DNAJC24: variants seen among roughly 807,000 people sequenced by gnomAD.
DNAJC24 encodes dnaJ homolog subfamily C member 24.
Under a neutral mutation model 18.0 loss-of-function variants are expected in DNAJC24, and 17 were observed. The ratio of observed to expected loss-of-function variants is 0.94; its 90% CI spans 0.65 to 1.42. The LOEUF (loss-of-function observed/expected upper bound fraction) is 1.42, where lower values mean the gene tolerates loss of function less well. Among genes scored for constraint, DNAJC24 ranks in the 40% most tolerant of loss-of-function variants. The pLI is 0.00. For missense variants in DNAJC24, 158 were observed against 175.6 expected (o/e 0.90, Z 0.57); for synonymous variants, 55 against 57.7 (o/e 0.95, Z 0.21).
At chr11:31,414,739 T>C (rs1056389998) in intron 2 of DNAJC24, 72 bp from the exon 3 acceptor site, 2 of 1,466,890 alleles carry the variant, frequency 1.4e-6, no homozygotes, top group Non-Finnish European at 1.8e-6. Flanking sequence ...AGCTCAGATT[T>C]ACAATTTTTT....
chr11:31,377,697 A>G (rs1259353930), intron 2 of DNAJC24, among the ~76,000 whole-genome samples: 2 of 152,034 alleles, frequency 1.3e-5, no homozygotes, highest in African/African-American at 2.4e-5. Context: ...GAAAATTGCT[A>G]TTTACTTAAG....
intron 2 of DNAJC24, among the ~76,000 whole-genome samples, chr11:31,391,504 G>T (rs1006501015): frequency 6.6e-6 from 1 of 152,168 alleles, no homozygotes; most frequent in African/African-American, 2.4e-5. Context: ...ATGAAAAGTT[G>T]TTCAATCAAC....
intron 3 of DNAJC24, chr11:31,417,346 T>C (rs1034751882): frequency 6.6e-6 from 1 of 152,152 alleles, no homozygotes; most frequent in African/African-American, 2.4e-5. Context: ...GTTATTTCTT[T>C]TGAATACCGT....
At chr11:31,378,109 A>T (rs1443133758) in intron 2 of DNAJC24, among the ~76,000 whole-genome samples, 1 of 152,158 alleles carries the variant, frequency 6.6e-6, no homozygotes, top group East Asian at 1.9e-4. Context: ...AGTGAAGAAC[A>T]ATTCTTTAAA....
At chr11:31,413,382 G>A (rs1952726253) in intron 2 of DNAJC24, among the ~76,000 whole-genome samples, 1 of 142,278 alleles carries the variant, frequency 7.0e-6, no homozygotes, top group Non-Finnish European at 1.5e-5. Flanking sequence ...CCAGGCTGGA[G>A]TGCAGTGGTG....
chr11:31,382,823 G>A (rs1196670480), intron 2 of DNAJC24, among the ~76,000 whole-genome samples: 1 of 152,060 alleles, frequency 6.6e-6, no homozygotes, highest in Non-Finnish European at 1.5e-5. Flanking sequence ...TAAGGGTTAA[G>A]GATTCATTAC....
At chr11:31,408,297 A>G in intron 2 of DNAJC24, 1 of 426,874 alleles carries the variant, frequency 2.3e-6, no homozygotes, top group East Asian at 7.1e-5. Context: ...TTGGTGAAAC[A>G]GAGATTCTGG....
intron 2 of DNAJC24, among the ~76,000 whole-genome samples, chr11:31,414,356 C>T (rs377530541): frequency 3.3e-5 from 5 of 152,026 alleles, no homozygotes; most frequent in East Asian, 1.9e-4. Context: ...TTTAAAATTA[C>T]GATTGTATAA....
chr11:31,430,059 A>ATC (rs1172415543), intron 4 of DNAJC24, among the ~76,000 whole-genome samples: 2 of 152,186 alleles, frequency 1.3e-5, no homozygotes, highest in Admixed American at 6.5e-5. Context: ...GCTTCAACCC[A>ATC]TCTCCTCTAC....
chr11:31,388,406 G>A (rs961514669), intron 2 of DNAJC24, among the ~76,000 whole-genome samples: 17 of 152,310 alleles, frequency 1.1e-4, no homozygotes, highest in Admixed American at 5.2e-4. Context: ...GAGCTCTAAT[G>A]TGTCTGGCAC....
At chr11:31,413,067 T>C (rs1388068083) in intron 2 of DNAJC24, among the ~76,000 whole-genome samples, 1 of 152,176 alleles carries the variant, frequency 6.6e-6, no homozygotes, top group Non-Finnish European at 1.5e-5. Flanking sequence ...CTTGCAATTT[T>C]TTTTGTGCTC....
At chr11:31,403,819 G>A (rs1361640697) in intron 2 of DNAJC24, among the ~76,000 whole-genome samples, 1 of 152,134 alleles carries the variant, frequency 6.6e-6, no homozygotes. Context: ...CCAAGAGAGG[G>A]TTCTTGGATC....
intron 2 of DNAJC24, among the ~76,000 whole-genome samples, chr11:31,403,125 A>ATG (rs3979423): frequency 0.16 from 22,753 of 146,504 alleles, 1,803 homozygotes; most frequent in Admixed American, 0.2. Context: ...GCATATATGC[A>ATG]TGTGTGTGTG....
At chr11:31,380,797 A>G (rs540928906) in intron 2 of DNAJC24, among the ~76,000 whole-genome samples, 1 of 152,260 alleles carries the variant, frequency 6.6e-6, no homozygotes, top group Admixed American at 6.5e-5. Flanking sequence ...AAGTTCCTTT[A>G]TGCTTCTCAT....
At chr11:31,404,622 T>C (rs1025167938) in intron 2 of DNAJC24, among the ~76,000 whole-genome samples, 2 of 152,208 alleles carry the variant, frequency 1.3e-5, no homozygotes, top group Non-Finnish European at 2.9e-5. Context: ...TCACAACAGA[T>C]GTCTGAAGAA....
Position 31,374,915 on chromosome 11 carries a change from T to A in DNAJC24, c.111+4056T>A, listed in dbSNP as rs1952298258. On this transcript the variant is annotated intron_variant, in intron 2 of 4. Coordinates refer to ENST00000465995, the MANE Select transcript of DNAJC24 (RefSeq NM_181706.5). ...TTTGCCTGTCTTTTCTCTCCTGTTC[T>A]TTTGCCTGTTTTTTTCTCTTCTCTC... is the stretch of plus-strand genomic sequence containing the variant. 3.0e-5 allele frequency among the ~76,000 whole-genome samples: 4 copies of A among 135,460 alleles called. 1 individual carries two copies. In the South Asian group the frequency reaches 9.9e-4, roughly 34 times the overall value. The allele number at this position is 135,460 out of a possible 152,430, so 88.9% of individuals were successfully genotyped here.
In DNAJC24 at chr11:31,372,319, T is replaced by A. The variant is rs1451163200; in HGVS notation, c.111+1460T>A. Among the ~76,000 whole-genome samples, 2 of 136,786 alleles carry A rather than the reference T, an allele frequency of 1.5e-5. 1 individual carries two copies. The highest frequency in any genetic ancestry group is 3.4e-5 in the Non-Finnish European group (2 of 59,008). 89.7% of individuals were successfully genotyped at this position (136,786 alleles called of 152,430 possible). On this transcript the variant is annotated intron_variant, in intron 2 of 4. Transcript: ENST00000465995. ...TGTTGTCTCTTTAGTTTATACCAGT[T>A]ACATCAGTGTTGTTTTGCCAAAACT... is the stretch of plus-strand genomic sequence containing the variant.
chr11:31,377,182 T>A (rs948247606), intron 2 of DNAJC24, among the ~76,000 whole-genome samples: 7 of 152,122 alleles, frequency 4.6e-5, no homozygotes, highest in Non-Finnish European at 1.0e-4. Flanking sequence ...AGACTTTGAA[T>A]TTAACACCTC....
At chr11:31,395,264 G>A (rs546441726) in intron 2 of DNAJC24, among the ~76,000 whole-genome samples, 11 of 152,060 alleles carry the variant, frequency 7.2e-5, no homozygotes, top group African/African-American at 2.2e-4. Context: ...ATATATGTAC[G>A]ACATTTTGTT....
Sources: gnomAD v4.1 joint callset for allele counts (sites outside exome capture counted in the v4.1 genomes callset) on GRCh38, gnomAD v4.1.1 for gene constraint, MANE v1.5 for transcripts, NCBI Gene and HGNC (gene_info 2026-07-23, HGNC 2026-07-21) for gene names.